Variants in SDK1 observed in about 807,000 individuals in gnomAD.
SDK1 encodes the protein sidekick cell adhesion molecule 1, also known as protein sidekick-1.
Under a neutral mutation model 245.5 loss-of-function variants are expected in SDK1, and 157 were observed. The ratio of observed to expected loss-of-function variants is 0.64; its 90% CI spans 0.56 to 0.73. The LOEUF (loss-of-function observed/expected upper bound fraction) is 0.73. SDK1 is among the 30% of genes least tolerant of loss of function. SDK1 has a pLI of 0.00. For missense variants in SDK1, 3,583 were observed against 3,002.3 expected, an observed-to-expected ratio of 1.19 and a Z score of -4.52; for synonymous variants, 1,647 against 1,278.5, an observed-to-expected ratio of 1.29 and a Z score of -6.15.
At chr7:4,232,501 A>G (rs1785861540) in intron 40 of SDK1, among the ~76,000 whole-genome samples, 1 of 145,804 alleles carries the variant, frequency 6.9e-6, no homozygotes, top group Admixed American at 7.1e-5. Context: ...TCTGTTACCC[A>G]GGCTGTAGTG....
At chr7:3,662,299 C>A (rs10951272) in intron 4 of SDK1, among the ~76,000 whole-genome samples, 33,181 of 152,016 alleles carry the variant, frequency 0.22, 4,519 homozygotes, top group Non-Finnish European at 0.3. Context: ...GAACATCTCA[C>A]AATACTCTTC....
intron 4 of SDK1, among the ~76,000 whole-genome samples, chr7:3,775,921 T>C (rs1323688964): frequency 6.6e-6 from 1 of 152,234 alleles, no homozygotes; most frequent in Non-Finnish European, 1.5e-5. Flanking sequence ...GTCTTGACTG[T>C]CTTTCCCACA....
chr7:3,821,599 C>G lies in SDK1; in HGVS notation c.847+16C>G, dbSNP rs1779647682. 4 of 1,609,850 alleles carry G rather than the reference C, an allele frequency of 2.5e-6. No individual in the cohort carries two copies. The highest frequency in any genetic ancestry group is 3.4e-6 in the Non-Finnish European group (4 of 1,178,396). On this transcript the variant is annotated intron_variant, in intron 5 of 44. Coordinates refer to ENST00000404826, the MANE Select transcript of SDK1 (RefSeq NM_152744.4). ...AGCATAGCAAGTGAGTTTTGAAATC[C>G]CAAATGGTAATTCTGCAAGCAATAA... is the stretch of plus-strand genomic sequence containing the variant.
At chr7:4,022,502 C>G (rs1187828069) in intron 17 of SDK1, among the ~76,000 whole-genome samples, 1 of 152,176 alleles carries the variant, frequency 6.6e-6, no homozygotes, top group African/African-American at 2.4e-5. Flanking sequence ...TCAAAGAGAA[C>G]TCAGCAGTGA....
intron 1 of SDK1, among the ~76,000 whole-genome samples, chr7:3,340,139 A>G (rs1780307858): frequency 6.6e-6 from 1 of 152,030 alleles, no homozygotes; most frequent in South Asian, 2.1e-4. Flanking sequence ...GTTTTTCTCA[A>G]AAACTAAAAC....
At chr7:3,703,950 G>C (rs1189057654) in intron 4 of SDK1, among the ~76,000 whole-genome samples, 2 of 151,986 alleles carry the variant, frequency 1.3e-5, no homozygotes, top group Non-Finnish European at 2.9e-5. Flanking sequence ...AATGGCTTTT[G>C]GTTACATGGA....
chr7:3,881,949 A>T (rs2128099640), intron 5 of SDK1, among the ~76,000 whole-genome samples: 1 of 152,262 alleles, frequency 6.6e-6, no homozygotes, highest in East Asian at 1.9e-4. Flanking sequence ...CACGCTGCTG[A>T]TAAAGACATA....
intron 13 of SDK1, among the ~76,000 whole-genome samples, chr7:3,974,916 G>A (rs1391285838): frequency 6.6e-6 from 1 of 152,186 alleles, no homozygotes; most frequent in Non-Finnish European, 1.5e-5. Flanking sequence ...CATGAGAGAT[G>A]CTGGAGTGGG....
At chr7:3,661,247 A>G (rs180828843) in intron 4 of SDK1, among the ~76,000 whole-genome samples, 2 of 152,386 alleles carry the variant, frequency 1.3e-5, no homozygotes, top group Admixed American at 6.5e-5. Context: ...AGTAATGGTT[A>G]TATGCAGAGA....
At chr7:3,684,317 G>C (rs1784207166) in intron 4 of SDK1, among the ~76,000 whole-genome samples, 1 of 152,210 alleles carries the variant, frequency 6.6e-6, no homozygotes, top group African/African-American at 2.4e-5. Flanking sequence ...CCAAGCTGCA[G>C]CTACAAAGCA....
intron 35 of SDK1, among the ~76,000 whole-genome samples, chr7:4,185,578 C>T (rs1034529281): frequency 2.0e-5 from 3 of 152,208 alleles, no homozygotes; most frequent in Non-Finnish European, 4.4e-5. Flanking sequence ...TCCTCCCTCC[C>T]ATGCAGCCCT....
intron 4 of SDK1, among the ~76,000 whole-genome samples, chr7:3,715,495 G>T (rs977571561): frequency 6.6e-6 from 1 of 152,114 alleles, no homozygotes; most frequent in African/African-American, 2.4e-5. Flanking sequence ...ACCTGGTGAT[G>T]CAGGGAAGCC....
intron 5 of SDK1, among the ~76,000 whole-genome samples, chr7:3,894,452 G>C (rs538874763): frequency 5.9e-5 from 9 of 152,062 alleles, no homozygotes; most frequent in African/African-American, 1.9e-4. Flanking sequence ...GGGGGTGGTG[G>C]GGGAGTGGGC....
chr7:3,851,947 G>A (rs1319182797), intron 5 of SDK1, among the ~76,000 whole-genome samples: 2 of 152,236 alleles, frequency 1.3e-5, no homozygotes, highest in East Asian at 1.9e-4. Flanking sequence ...GGAAAAATGT[G>A]TTTGAAGTAT....
At chr7:3,952,452 G>A (rs751641389) in intron 7 of SDK1, among the ~76,000 whole-genome samples, 3 of 152,004 alleles carry the variant, frequency 2.0e-5, no homozygotes, top group African/African-American at 4.8e-5. Context: ...GCGCAGTGGC[G>A]GGCGCCTATG....
At position 4,123,522 on chromosome 7, in the gene SDK1, C is replaced by T. The variant is rs55805906; in HGVS notation, c.3824-3859C>T. Among the ~76,000 whole-genome samples, 890 of 152,290 alleles carry T rather than the reference C, an allele frequency of 5.8e-3. 8 individuals carry two copies. Among genetic ancestry groups the T allele is most frequent in the Middle Eastern group, 0.037 (11 of 294 alleles). On this transcript the variant is annotated intron_variant, in intron 25 of 44. Coordinates refer to ENST00000404826, the MANE Select transcript of SDK1 (RefSeq NM_152744.4). ...GCCGGGTGGAGCCACAGCTGGAAGG[C>T]ACCAGGGACTTGGGGCTGCATCTGT...
chr7:3,512,477 A>G (rs1440164340), intron 1 of SDK1, among the ~76,000 whole-genome samples: 2 of 152,204 alleles, frequency 1.3e-5, no homozygotes, highest in Non-Finnish European at 2.9e-5. Context: ...CTTTGGGTGA[A>G]TACCAAGGAG....
At chr7:3,411,683 G>A (rs776601545) in intron 1 of SDK1, among the ~76,000 whole-genome samples, 9 of 152,112 alleles carry the variant, frequency 5.9e-5, no homozygotes, top group African/African-American at 9.7e-5. Context: ...TATTAATGCA[G>A]CAATTTCTCT....
At chr7:3,997,330 G>A (rs1230049440) in intron 14 of SDK1, among the ~76,000 whole-genome samples, 5 of 152,214 alleles carry the variant, frequency 3.3e-5, no homozygotes, top group African/African-American at 1.2e-4. Flanking sequence ...GAGCCCCGCA[G>A]TGGGTGGCTG....
Sources: gnomAD v4.1 joint callset for allele counts (sites outside exome capture counted in the v4.1 genomes callset) on GRCh38, gnomAD v4.1.1 for gene constraint, MANE v1.5 for transcripts, NCBI Gene and HGNC (gene_info 2026-07-23, HGNC 2026-07-21) for gene names.